The following TSNARE1 variants were observed in gnomAD, a reference collection of about 807,000 sequenced individuals.
The protein encoded by TSNARE1 is t-SNARE domain containing 1.
In TSNARE1, 49 loss-of-function variants were observed where a neutral mutation model predicts 62.0. That is an observed-to-expected ratio of 0.79 (90% CI 0.63 to 1.00). The LOEUF is 1.00. Among genes scored for constraint, TSNARE1 ranks in the 50% least tolerant of loss-of-function variants. TSNARE1 has a pLI of 0.00. For missense variants in TSNARE1, 755 were observed against 700.1 expected (o/e 1.08, Z -0.88); for synonymous variants, 328 against 294.4 (o/e 1.11, Z -1.17).
intron 5 of TSNARE1, among the ~76,000 whole-genome samples, chr8:142,331,529 T>A (rs911498364): frequency 6.6e-6 from 1 of 152,032 alleles, no homozygotes; most frequent in Non-Finnish European, 1.5e-5. Context: ...CAGCCCTTGC[T>A]CCTTCCCACC....
Position 142,300,566 on chromosome 8 carries a change from C to T in TSNARE1, c.1210G>A (p.Glu404Lys), listed in dbSNP as rs769360154. Residue 404 changes from glutamate to lysine, a missense_variant, in exon 10 of 14, where the codon GAG becomes AAG. Coordinates refer to ENST00000524325, the MANE Select transcript of TSNARE1 (RefSeq NM_145003.5). ...NGSDNMWQGQ[E>K]QALLPDITEE... ...GTGATGTCCGGGAGCAGCGCCTGCTCCTGGCCCTGCCACATGTTGTCACTC... is the reference window on the plus strand; with the variant it reads ...GTGATGTCCGGGAGCAGCGCCTGCTTCTGGCCCTGCCACATGTTGTCACTC... 1.2e-6 allele frequency: 2 copies of T among 1,613,266 alleles called. No individual in the cohort carries two copies. Among genetic ancestry groups the T allele is most frequent in the East Asian group, 2.2e-5 (1 of 44,882 alleles).
chr8:142,375,352 G>A (rs1014710161), intron 1 of TSNARE1, among the ~76,000 whole-genome samples: 16 of 152,226 alleles, frequency 1.1e-4, no homozygotes, highest in Non-Finnish European at 2.2e-4. Flanking sequence ...GGGGGAGGGC[G>A]GGTAGCAGGT....
At chr8:142,393,600 C>T (rs1047706507) in intron 1 of TSNARE1, among the ~76,000 whole-genome samples, 1 of 152,212 alleles carries the variant, frequency 6.6e-6, no homozygotes, top group South Asian at 2.1e-4. Context: ...ACGCCACGCC[C>T]GAAGGTGCTG....
intron 13 of TSNARE1, among the ~76,000 whole-genome samples, chr8:142,224,993 C>T (rs1474836969): frequency 6.6e-6 from 1 of 152,092 alleles, no homozygotes; most frequent in Non-Finnish European, 1.5e-5. Context: ...GGAGCTGCTC[C>T]CACTCCAGCA....
intron 7 of TSNARE1, among the ~76,000 whole-genome samples, chr8:142,316,859 G>A (rs759563916): frequency 3.9e-5 from 6 of 151,932 alleles, no homozygotes; most frequent in South Asian, 2.1e-4. Flanking sequence ...CACTGGCCAC[G>A]TCACATGTAT....
intron 13 of TSNARE1, among the ~76,000 whole-genome samples, chr8:142,221,005 G>A (rs531459410): frequency 1.3e-5 from 2 of 152,296 alleles, no homozygotes; most frequent in South Asian, 4.1e-4. Context: ...GTCACGTCCC[G>A]TAAATGCCTG....
At chr8:142,259,795 C>G (rs1818765315) in intron 12 of TSNARE1, among the ~76,000 whole-genome samples, 1 of 152,180 alleles carries the variant, frequency 6.6e-6, no homozygotes, top group Non-Finnish European at 1.5e-5. Flanking sequence ...GATTAGAATA[C>G]CGAGTTGCTA....
intron 11 of TSNARE1, among the ~76,000 whole-genome samples, chr8:142,283,537 G>A (rs1822098087): frequency 7.2e-6 from 1 of 138,084 alleles, no homozygotes; most frequent in African/African-American, 2.9e-5. Context: ...CAGAGGCGGG[G>A]CCAGTGTCTG....
Position 142,248,285 on chromosome 8 carries a change from G to A in TSNARE1, c.1447-18706C>T, listed in dbSNP as rs189178844. Among the ~76,000 whole-genome samples the A allele has an allele frequency of 1.6e-3, 237 of 152,278 alleles. 3 individuals carry two copies. The highest frequency in any genetic ancestry group is 0.014 in the Admixed American group (216 of 15,298). On this transcript the variant is annotated intron_variant, in intron 12 of 13. Coordinates refer to ENST00000524325, the MANE Select transcript of TSNARE1 (RefSeq NM_145003.5). ...GACCCAGTCTCAGGTGTTCTGTTTC[G>A]CAGCACAAATGGATGAAGACACCCA...
At chr8:142,302,616 G>A (rs1167650957) in intron 9 of TSNARE1, among the ~76,000 whole-genome samples, 1 of 152,162 alleles carries the variant, frequency 6.6e-6, no homozygotes, top group Admixed American at 6.5e-5. Flanking sequence ...TCCCAGGTCT[G>A]GGAAAGGCCC....
chr8:142,227,515 AG>A (rs1446223662), intron 13 of TSNARE1, among the ~76,000 whole-genome samples: 2 of 151,978 alleles, frequency 1.3e-5, no homozygotes, highest in Non-Finnish European at 2.9e-5. Flanking sequence ...AGTGACAGCC[AG>A]GCCCCCCATT....
chr8:142,265,668 C>A (rs1242479641), intron 12 of TSNARE1, among the ~76,000 whole-genome samples: 4 of 152,236 alleles, frequency 2.6e-5, no homozygotes, highest in Non-Finnish European at 5.9e-5. Context: ...GAAGAAACTA[C>A]AAAACTGTTT....
At chr8:142,387,304 G>A (rs1162288680) in intron 1 of TSNARE1, among the ~76,000 whole-genome samples, 3 of 152,008 alleles carry the variant, frequency 2.0e-5, no homozygotes, top group Non-Finnish European at 2.9e-5. Flanking sequence ...ATCAGCCCTC[G>A]AATACAAAAT....
intron 1 of TSNARE1, among the ~76,000 whole-genome samples, chr8:142,398,961 G>A (rs1311302486): frequency 2.0e-5 from 3 of 152,180 alleles, no homozygotes; most frequent in Non-Finnish European, 2.9e-5. Flanking sequence ...GCAAGTTGAC[G>A]AGAGAATCTC....
At chr8:142,267,589 C>T (rs1233246905) in intron 12 of TSNARE1, among the ~76,000 whole-genome samples, 1 of 152,196 alleles carries the variant, frequency 6.6e-6, no homozygotes, top group Non-Finnish European at 1.5e-5. Flanking sequence ...CCTGGGCTCT[C>T]AGTCTGTCTG....
chr8:142,383,975 G>A (rs1158986689), intron 1 of TSNARE1, among the ~76,000 whole-genome samples: 1 of 152,202 alleles, frequency 6.6e-6, no homozygotes, highest in African/African-American at 2.4e-5. Context: ...GGCCCACACA[G>A]GAGGGAGTGA....
chr8:142,277,333 C>T (rs1460712559), intron 11 of TSNARE1: 1 of 985,284 alleles, frequency 1.0e-6, no homozygotes, highest in African/African-American at 1.7e-5. Flanking sequence ...GAGCAGCACA[C>T]ACACCTCAAA....
At chr8:142,285,126 T>G (rs780257358) in intron 10 of TSNARE1, among the ~76,000 whole-genome samples, 6 of 151,724 alleles carry the variant, frequency 4.0e-5, no homozygotes, top group Non-Finnish European at 8.8e-5. Flanking sequence ...GGTGGACAAA[T>G]GGAATGGTGG....
chr8:142,354,229 G>A (rs930024313), intron 2 of TSNARE1, among the ~76,000 whole-genome samples: 7 of 152,142 alleles, frequency 4.6e-5, no homozygotes, highest in African/African-American at 1.7e-4. Flanking sequence ...CCTGGGATGA[G>A]GTTTGAGAGC....
Sources: gnomAD v4.1 joint callset for allele counts (sites outside exome capture counted in the v4.1 genomes callset) on GRCh38, gnomAD v4.1.1 for gene constraint, MANE v1.5 for transcripts, NCBI Gene and HGNC (gene_info 2026-07-23, HGNC 2026-07-21) for gene names.